The following USP48 variants were observed in gnomAD, a reference collection of about 807,000 sequenced individuals.
USP48 encodes the protein ubiquitin carboxyl-terminal hydrolase 48.
A neutral mutation model predicts 150.7 loss-of-function variants in USP48; 43 were observed. The observed-to-expected ratio is 0.29, with a 90% CI of 0.22 to 0.37. The LOEUF (loss-of-function observed/expected upper bound fraction) is 0.37, where lower values mean the gene tolerates loss of function less well. USP48 is among the 10% of genes least tolerant of loss of function. USP48 has a pLI of 1.00. For synonymous variants in USP48, 396 were observed against 425.9 expected, an observed-to-expected ratio of 0.93 and a Z score of 0.86; for missense variants, 813 against 1,249.6, an observed-to-expected ratio of 0.65 and a Z score of 5.27.
At position 21,746,918 on chromosome 1, in the gene USP48, A is replaced by T. The variant is rs886558019; in HGVS notation, c.991+149T>A. Reference sequence around the variant, plus strand: ...ATGGAATTAACATCTTGGCTCTCCTAAAAAAGTCTTTGTTCCCAGACAGAG... The same window carrying T: ...ATGGAATTAACATCTTGGCTCTCCTTAAAAAGTCTTTGTTCCCAGACAGAG... On this transcript the variant is annotated intron_variant, in intron 8 of 26. Transcript: ENST00000308271. 2.8e-5 allele frequency: 16 copies of T among 576,298 alleles called. No homozygotes were observed. In the African/African-American group the frequency reaches 2.9e-4, roughly 10 times the overall value. The allele number at this position is 576,298 out of a possible 1,614,324, so 35.7% of individuals were successfully genotyped here.
intron 14 of USP48, among the ~76,000 whole-genome samples, chr1:21,719,710 A>G (rs1213444060): frequency 1.3e-5 from 2 of 152,140 alleles, no homozygotes; most frequent in Admixed American, 6.5e-5. Context: ...TCTTCTAAAC[A>G]TACAAAATTA....
intron 9 of USP48, among the ~76,000 whole-genome samples, chr1:21,732,232 T>TA (rs2097758653): frequency 6.6e-6 from 1 of 151,728 alleles, no homozygotes; most frequent in Admixed American, 6.6e-5. Context: ...TGGGCCAAGA[T>TA]AGCACCACTG....
chr1:21,729,982 G>C (rs193199199), intron 9 of USP48, 150 bp from the exon 10 acceptor site: 11 of 883,372 alleles, frequency 1.2e-5, no homozygotes, highest in Admixed American at 1.1e-4. Flanking sequence ...AATTTGGCAG[G>C]CTCTTTAGCT....
At chr1:21,780,585 A>C (rs2097911817) in intron 1 of USP48, among the ~76,000 whole-genome samples, 1 of 152,118 alleles carries the variant, frequency 6.6e-6, no homozygotes, top group South Asian at 2.1e-4. Context: ...TGAAGTGCTG[A>C]AACATGCTAC....
intron 1 of USP48, among the ~76,000 whole-genome samples, chr1:21,780,623 T>C (rs895493442): frequency 6.6e-6 from 1 of 151,768 alleles, no homozygotes; most frequent in Non-Finnish European, 1.5e-5. Flanking sequence ...AATACATAAG[T>C]AAAGGAAATC....
At chr1:21,781,978 C>G (rs1002708139) in intron 1 of USP48, 1 of 152,208 alleles carries the variant, frequency 6.6e-6, no homozygotes, top group Non-Finnish European at 1.5e-5. Flanking sequence ...GCTCCAAAGC[C>G]AGAGACCATG....
At chr1:21,753,416 G>A (rs1410177487) in intron 3 of USP48, among the ~76,000 whole-genome samples, 1 of 151,976 alleles carries the variant, frequency 6.6e-6, no homozygotes, top group African/African-American at 2.4e-5. Flanking sequence ...TTAGCCGGGT[G>A]TGGTGGTGCA....
intron 22 of USP48, among the ~76,000 whole-genome samples, chr1:21,697,383 G>C (rs2097637988): frequency 6.6e-6 from 1 of 152,056 alleles, no homozygotes; most frequent in Non-Finnish European, 1.5e-5. Flanking sequence ...AAAAGGTCAG[G>C]CCAGGCGTGG....
At chr1:21,743,994 A>C (rs923630871) in intron 8 of USP48, among the ~76,000 whole-genome samples, 7 of 152,188 alleles carry the variant, frequency 4.6e-5, no homozygotes. Flanking sequence ...CTACAAAAGA[A>C]TCTTAATAGT....
chr1:21,721,324 T>G (rs532767122), intron 13 of USP48, among the ~76,000 whole-genome samples, 158 bp from the exon 14 acceptor site: 3 of 152,390 alleles, frequency 2.0e-5, no homozygotes, highest in African/African-American at 7.2e-5. Flanking sequence ...TCGGTCATTT[T>G]CTCTGTTCAC....
At chr1:21,781,083 T>C (rs1310997632) in intron 1 of USP48, among the ~76,000 whole-genome samples, 1 of 150,808 alleles carries the variant, frequency 6.6e-6, no homozygotes, top group Non-Finnish European at 1.5e-5. Flanking sequence ...AATTTATTTT[T>C]TTAAATTTAT....
intron 15 of USP48, among the ~76,000 whole-genome samples, chr1:21,708,307 T>C (rs2097679074): frequency 1.3e-5 from 2 of 152,116 alleles, no homozygotes; most frequent in African/African-American, 2.4e-5. Context: ...GAAACCAGCC[T>C]GGCCAACATG....
chr1:21,759,317 G>A (rs750917117), intron 1 of USP48, among the ~76,000 whole-genome samples: 21 of 151,562 alleles, frequency 1.4e-4, no homozygotes, highest in Non-Finnish European at 1.2e-4. Context: ...GAGAGGGAGG[G>A]GGTGTGACTG....
chr1:21,746,181 T>C (rs973481810), intron 8 of USP48, among the ~76,000 whole-genome samples: 33 of 152,168 alleles, frequency 2.2e-4, no homozygotes, highest in African/African-American at 7.5e-4. Flanking sequence ...TGGAAAGAGA[T>C]AGAGTTTATA....
intron 25 of USP48, among the ~76,000 whole-genome samples, chr1:21,681,961 G>A (rs1192204534): frequency 1.3e-5 from 2 of 152,126 alleles, no homozygotes; most frequent in African/African-American, 4.8e-5. Flanking sequence ...ACTCCAATAT[G>A]GATCAGGTGT....
chr1:21,758,185 AACACACAC>A (rs149088635), intron 1 of USP48, among the ~76,000 whole-genome samples: 37 of 141,442 alleles, frequency 2.6e-4, no homozygotes, highest in South Asian at 7.0e-4. Flanking sequence ...GCAACTGTAA[AACACACAC>A]ACACACACAC....
At chr1:21,734,715 AT>A (rs1370501210) in intron 9 of USP48, among the ~76,000 whole-genome samples, 1 of 152,200 alleles carries the variant, frequency 6.6e-6, no homozygotes, top group African/African-American at 2.4e-5. Context: ...GTGAGTCTGC[AT>A]GTGTCATCTC....
chr1:21,752,388 G>T, intron 5 of USP48, 139 bp downstream of exon 5: 1 of 1,032,456 alleles, frequency 9.7e-7, no homozygotes, highest in Non-Finnish European at 1.4e-6. Flanking sequence ...ATGTTCCCAT[G>T]GAAATGTATT....
intron 25 of USP48, among the ~76,000 whole-genome samples, chr1:21,684,698 T>C (rs1366915717): frequency 2.0e-5 from 3 of 152,164 alleles, no homozygotes; most frequent in African/African-American, 4.8e-5. Context: ...AAGTCTTTAA[T>C]CCATTTTGAG....
Sources: allele counts gnomAD v4.1 joint callset (sites outside exome capture counted in the v4.1 genomes callset), GRCh38; gene constraint gnomAD v4.1.1; transcripts MANE v1.5; gene names NCBI Gene and HGNC (gene_info 2026-07-23, HGNC 2026-07-21).